GNL2: variants seen among roughly 807,000 people sequenced by gnomAD.
GNL2 encodes the protein nucleolar GTP-binding protein 2.
GNL2 carries 51 observed loss-of-function variants against 92.3 expected under a neutral mutation model. The ratio of observed to expected loss-of-function variants is 0.55; its 90% CI spans 0.44 to 0.70. The LOEUF is 0.70. Ranked by LOEUF, GNL2 falls within the 30% of genes least tolerant of loss-of-function variation. The pLI is 0.00. For missense variants in GNL2, 844 were observed against 895.6 expected, an observed-to-expected ratio of 0.94 and a Z score of 0.74; for synonymous variants, 283 against 300.6, an observed-to-expected ratio of 0.94 and a Z score of 0.61.
Position 37,590,817 on chromosome 1 carries a change from T to C in GNL2, c.273A>G (p.Ser91=). 1.9e-6 allele frequency: 3 copies of C among 1,602,686 alleles called. No homozygotes were observed. Among genetic ancestry groups the C allele is most frequent in the African/African-American group, 1.3e-5 (1 of 74,448 alleles). Residue 91 remains serine (S), a synonymous_variant, in exon 4 of 16, where the codon TCA becomes TCG. Transcript: ENST00000373062. ...FGNTRVIKQS[S]LQKFQEEMDT... Reference sequence around the variant, plus strand: ...CCATTTCCTCTTGAAATTTTTGTAATGATGACTGCTTAATCACACGTGTGT... The same window carrying C: ...CCATTTCCTCTTGAAATTTTTGTAACGATGACTGCTTAATCACACGTGTGT...
chr1:37,582,103 G>C (rs1346720827), intron 8 of GNL2, 120 bp downstream of exon 8: 1 of 621,086 alleles, frequency 1.6e-6, no homozygotes, highest in Admixed American at 3.0e-5. Context: ...TAGGACTACA[G>C]ACCTGCGCAA....
intron 2 of GNL2, among the ~76,000 whole-genome samples, 195 bp from the exon 3 acceptor site, chr1:37,593,001 C>CA (rs1003234803): frequency 1.2e-4 from 19 of 152,212 alleles, no homozygotes; most frequent in Admixed American, 5.9e-4. Flanking sequence ...CCTCTTGCAA[C>CA]AGAGCACGTA....
intron 8 of GNL2, among the ~76,000 whole-genome samples, chr1:37,579,337 C>A (rs1056583225): frequency 1.3e-5 from 2 of 151,548 alleles, no homozygotes; most frequent in Admixed American, 6.6e-5. Flanking sequence ...CACCTGAGGT[C>A]GGAAGTTTGA....
intron 8 of GNL2, among the ~76,000 whole-genome samples, chr1:37,580,503 CTT>C: frequency 6.6e-6 from 1 of 152,300 alleles, no homozygotes; most frequent in South Asian, 2.1e-4. Flanking sequence ...TCTCAGGAAA[CTT>C]TTGGAAAATA....
At chr1:37,567,878 G>T in intron 14 of GNL2, 114 bp from the exon 15 acceptor site, 2 of 780,424 alleles carry the variant, frequency 2.6e-6, no homozygotes, top group South Asian at 1.5e-5. Context: ...GGACAGAGCA[G>T]GTGAGCACAG....
intron 6 of GNL2, 47 bp downstream of exon 6, chr1:37,583,820 T>C (rs964384328): frequency 6.4e-6 from 7 of 1,095,002 alleles, no homozygotes; most frequent in Admixed American, 5.3e-5. Context: ...TACAAAATCA[T>C]GAAAGCCCAA....
chr1:37,594,573 GCT>G (rs770321255), intron 1 of GNL2, among the ~76,000 whole-genome samples: 15 of 151,950 alleles, frequency 9.9e-5, no homozygotes, highest in Non-Finnish European at 1.9e-4. Flanking sequence ...ACAGAGTCGT[GCT>G]CTGTCACCCA....
At chr1:37,581,559 G>A (rs1352952042) in intron 8 of GNL2, 1 of 456,004 alleles carries the variant, frequency 2.2e-6, no homozygotes, top group East Asian at 6.9e-5. Flanking sequence ...TGGCAGAAAT[G>A]GAAGCAACAC....
rs556758592 is a variant in GNL2 at position 37,573,905 on chromosome 1, A to G, written c.1416+438T>C. ...TTCACCCTCAAAAAAATTTTTTTTT[A>G]TTTTTTTGAGATGGAGTCTCCCTCT... On this transcript the variant is annotated intron_variant, in intron 12 of 15. Transcript: ENST00000373062. 4.6e-5 allele frequency among the ~76,000 whole-genome samples: 7 copies of G among 151,984 alleles called. No homozygotes were observed. The East Asian group carries it at 1.4e-3, about 29-fold the overall frequency.
rs1343518705 is a variant in GNL2, at chr1:37,582,836, G to T, written c.737C>A (p.Pro246His). ...AAGTACAAAAATGAGGTGTTTCCAA[G>T]GTTTTTCCTTCTTCAGGTAAGTTTC... ...HIETYLKKEK[P>H]WKHLIFVLNK... The change falls in exon 7 of 16, where the codon CCT becomes CAT. Residue 246 changes from proline to histidine, a missense_variant. Transcript: ENST00000373062. 1 of 1,613,784 alleles carries T rather than the reference G, an allele frequency of 6.2e-7. No individual in the cohort carries two copies. Among genetic ancestry groups the T allele is most frequent in the Non-Finnish European group, 8.5e-7 (1 of 1,179,774 alleles).
In GNL2 at chr1:37,569,089, C is replaced by T; in HGVS notation, c.1630G>A (p.Gly544Arg). The change falls in exon 13 of 16, where the codon GGG becomes AGG. Residue 544 changes from glycine (G) to arginine (R), a missense_variant. Physicochemically the swap from Gly to Arg is moderately radical, Grantham distance 125. Transcript: ENST00000373062. ...GKINVVPQFS[G>R]DDLVPVEVSD... is the part of the protein sequence containing the mutation. Reference sequence around the variant, plus strand: ...ACCTCCACAGGAACCAGGTCATCCCCAGAAAACTGAGGCACCACGTTGATT... The same window carrying T: ...ACCTCCACAGGAACCAGGTCATCCCTAGAAAACTGAGGCACCACGTTGATT... 1 of 1,614,164 alleles carries T rather than the reference C, an allele frequency of 6.2e-7. No homozygotes were observed. Among genetic ancestry groups the T allele is most frequent in the Non-Finnish European group, 8.5e-7 (1 of 1,180,024 alleles).
intron 7 of GNL2, 102 bp from the exon 8 acceptor site, chr1:37,582,438 T>C: frequency 1.5e-6 from 1 of 670,656 alleles, no homozygotes; most frequent in Non-Finnish European, 2.5e-6. Context: ...AAATATACTG[T>C]TGTCTAAGGA....
At chr1:37,576,131 T>G in intron 9 of GNL2, 1 of 339,922 alleles carries the variant, frequency 2.9e-6, no homozygotes, top group Non-Finnish European at 5.4e-6. Context: ...CATCAAATAT[T>G]CTTGGGTTAG....
intron 6 of GNL2, among the ~76,000 whole-genome samples, 182 bp downstream of exon 6, chr1:37,583,685 T>C (rs959292855): frequency 1.3e-5 from 2 of 152,228 alleles, no homozygotes; most frequent in African/African-American, 4.8e-5. Flanking sequence ...CTTTAAAAAA[T>C]GCAGTTACCT....
rs535577187 is a variant in GNL2, at chr1:37,584,046, G to A, written c.570-113C>T. On this transcript the variant is annotated intron_variant, in intron 5 of 15. Coordinates refer to ENST00000373062, the MANE Select transcript of GNL2 (RefSeq NM_013285.3). ...ACAGTATCAAACCCAGTTGGAGATG[G>A]ACCAGAAACAAACTGAATTTAAAAA... The A allele has an allele frequency of 5.4e-4, 381 of 701,774 alleles. 3 individuals carry two copies. Among genetic ancestry groups the A allele is most frequent in the Non-Finnish European group, 4.9e-4 (193 of 390,520 alleles). 43.5% of individuals were successfully genotyped at this position (701,774 alleles called of 1,614,324 possible). A position where few individuals can be genotyped will look rare whatever the true frequency, so the allele number is the denominator to read the frequency against.
At position 37,575,534 on chromosome 1, in the gene GNL2, A is replaced by G. The variant is rs1643664565; in HGVS notation, c.1143+61T>C. The G allele has an allele frequency of 1.1e-6, 1 of 951,930 alleles. No individual in the cohort carries two copies. The highest frequency in any genetic ancestry group is 1.6e-6 in the Non-Finnish European group (1 of 644,134). 59.0% of individuals were successfully genotyped at this position (951,930 alleles called of 1,614,324 possible). A position where few individuals can be genotyped will look rare whatever the true frequency, so the allele number is the denominator to read the frequency against. ...TAATAAGTAAAAAGGAAAGGTATCC[A>G]GGGTTCCCTATAGAACACTCCCCCG... On this transcript the variant is annotated intron_variant, in intron 10 of 15. Transcript: ENST00000373062. This position sits in a 1 kb window ranked among gnomAD's most constrained non-coding sequence, Gnocchi z 4.1.
Position 37,574,324 on chromosome 1 carries a change from G to A in GNL2, c.1416+19C>T, listed in dbSNP as rs748044918. On this transcript the variant is annotated intron_variant, in intron 12 of 15. Transcript: ENST00000373062. The stretch of plus-strand genomic sequence containing the variant: ...GTCAGGACCCATGCTCCCCAGAGGT[G>A]GGCCCACCCTGCTCTTACCTGGGGG... The A allele has an allele frequency of 1.1e-5, 17 of 1,545,290 alleles. No individual in the cohort carries two copies. In the South Asian group the frequency reaches 1.6e-4, roughly 14 times the overall value.
At chr1:37,587,635 C>T in intron 4 of GNL2, 140 bp from the exon 5 acceptor site, 3 of 525,316 alleles carry the variant, frequency 5.7e-6, no homozygotes, top group Non-Finnish European at 1.0e-5. Context: ...GACATGGTTT[C>T]AGTCTGGTTT....
At position 37,595,786 on chromosome 1, in the gene GNL2, T is replaced by A. The variant is rs919303552; in HGVS notation, c.37A>T (p.Asn13Tyr). The change falls in exon 1 of 16, where the codon AAC becomes TAC. Residue 13 changes from asparagine (N) to tyrosine (Y), a missense_variant. Asn to Tyr is a moderately radical substitution (Grantham distance 143). Transcript: ENST00000373062. ...GGGTTTGTGCTGGCCTTGGACGGGT[T>A]GATGGTGCTCCGTCCTTTGTACTTG... ...KPKYKGRSTI[N>Y]PSKASTNPDR... 1.2e-6 allele frequency: 2 copies of A among 1,614,106 alleles called. No individual in the cohort carries two copies. Among genetic ancestry groups the A allele is most frequent in the Admixed American group, 1.7e-5 (1 of 60,004 alleles).
Sources: gnomAD v4.1 joint callset for allele counts (sites outside exome capture counted in the v4.1 genomes callset) on GRCh38, gnomAD v4.1.1 for gene constraint, Gnocchi (gnomAD v3.1) non-coding constraint, MANE v1.5 for transcripts, NCBI Gene and HGNC (gene_info 2026-07-23, HGNC 2026-07-21) for gene names.